Variants in ZNF738 observed in about 807,000 individuals in gnomAD.
ZNF738 encodes the protein protein ZNF738.
ZNF738 carries 10 observed loss-of-function variants against 9.2 expected under a neutral mutation model. That is an observed-to-expected ratio of 1.09 (90% CI 0.67 to 1.85). The LOEUF (loss-of-function observed/expected upper bound fraction) is 1.85. Among genes scored for constraint, ZNF738 ranks in the 40% most tolerant of loss-of-function variants. ZNF738 has a pLI of 0.00. For missense variants in ZNF738, 346 were observed against 283.6 expected, an observed-to-expected ratio of 1.22 and a Z score of -1.58; for synonymous variants, 113 against 94.5, an observed-to-expected ratio of 1.20 and a Z score of -1.14.
At chr19:21,374,620 CCTTT>C (rs1973901423) in intron 2 of ZNF738, among the ~76,000 whole-genome samples, 1 of 152,006 alleles carries the variant, frequency 6.6e-6, no homozygotes, top group South Asian at 2.1e-4. Context: ...CTGGCAGCTG[CCTTT>C]CTTTCTTAGG....
In ZNF738 at chr19:21,384,828, A is replaced by T. The variant is rs1286433777; in HGVS notation, c.*1154A>T. On this transcript the variant is annotated 3_prime_UTR_variant, in exon 5 of 5. Coordinates refer to ENST00000683779, the MANE Select transcript of ZNF738 (RefSeq NM_001355237.2). ...ACATAAGAAAATTCATACTGGAGAGACACCCTACAAATGTGAAGAATGTGG... is the reference window on the plus strand; with the variant it reads ...ACATAAGAAAATTCATACTGGAGAGTCACCCTACAAATGTGAAGAATGTGG... Among the ~76,000 whole-genome samples the T allele has an allele frequency of 6.6e-6, 1 of 152,202 alleles. No individual in the cohort carries two copies. The highest frequency in any genetic ancestry group is 1.9e-4 in the East Asian group (1 of 5,186).
chr19:21,360,523 G>C (rs980865837), intron 1 of ZNF738: 1 of 152,626 alleles, frequency 6.6e-6, no homozygotes, highest in Non-Finnish European at 1.5e-5. Context: ...GCGCGATCTC[G>C]GCTCACCTCA....
chr19:21,367,771 C>A (rs1194788667), intron 2 of ZNF738, among the ~76,000 whole-genome samples: 1 of 152,164 alleles, frequency 6.6e-6, no homozygotes, highest in African/African-American at 2.4e-5. Flanking sequence ...CACCCACTCA[C>A]AAACACACCC....
intron 4 of ZNF738, 94 bp downstream of exon 4, chr19:21,376,058 G>A (rs1973924149): frequency 3.6e-6 from 2 of 558,230 alleles, no homozygotes; most frequent in Non-Finnish European, 6.6e-6. Context: ...TTGGGAAGCT[G>A]TGTTCCAAAG....
chr19:21,376,095 G>A, intron 4 of ZNF738, 131 bp downstream of exon 4: 1 of 489,078 alleles, frequency 2.0e-6, no homozygotes, highest in East Asian at 3.4e-5. Flanking sequence ...AGCCTGAGGT[G>A]TGTGGTTTTT....
chr19:21,381,227 T>C, intron 4 of ZNF738: 4 of 1,550,332 alleles, frequency 2.6e-6, no homozygotes, highest in South Asian at 1.2e-5. Context: ...ATTTCAAATA[T>C]TAAAGCTTTC....
At chr19:21,380,431 T>C (rs1973989801) in intron 4 of ZNF738, among the ~76,000 whole-genome samples, 1 of 152,158 alleles carries the variant, frequency 6.6e-6, no homozygotes, top group South Asian at 2.1e-4. Flanking sequence ...TCCCCTGGCC[T>C]GTGGAGTGGG....
At chr19:21,361,067 G>GCCT (rs1320188136) in intron 1 of ZNF738, among the ~76,000 whole-genome samples, 1 of 151,628 alleles carries the variant, frequency 6.6e-6, no homozygotes, top group African/African-American at 2.4e-5. Flanking sequence ...GCCCGCCTTG[G>GCCT]CCTCCCGAAG....
chr19:21,384,020 T>C lies in ZNF738; in HGVS notation c.*346T>C, dbSNP rs191796251. ...ACAAATGTGAAGAATGTGGCAAAGC[T>C]TTCTACCGATTCATTTACCTTACTA... On this transcript the variant is annotated 3_prime_UTR_variant, in exon 5 of 5. Transcript: ENST00000683779. 5.9e-6 allele frequency: 9 copies of C among 1,518,404 alleles called. No individual in the cohort carries two copies. In the African/African-American group the frequency reaches 1.1e-4, roughly 19 times the overall value. 94.1% of individuals were successfully genotyped at this position (1,518,404 alleles called of 1,614,324 possible). A position where few individuals can be genotyped will look rare whatever the true frequency, so the allele number is the denominator to read the frequency against.
In ZNF738 at chr19:21,383,401, G is replaced by C. The variant is rs1974029866; in HGVS notation, c.855G>C (p.Glu285Asp). The change falls in exon 5 of 5, where the codon GAG (glutamate) becomes GAC (aspartate). Residue 285 changes from glutamate to aspartate, a missense_variant. Physicochemically the swap from Glu to Asp is conservative, Grantham distance 45. Transcript: ENST00000683779. ...GACATAAGGTAATTCATGCTGGAGA[G>C]AAACACTACAAATGTGAAAAATGTG... ...LTRHKVIHAG[E>D]KHYKCEKCGK... 1 of 593,692 alleles carries C rather than the reference G, an allele frequency of 1.7e-6. No homozygotes were observed. Among genetic ancestry groups the C allele is most frequent in the Non-Finnish European group, 2.9e-6 (1 of 349,664 alleles). 36.8% of individuals were successfully genotyped at this position (593,692 alleles called of 1,614,324 possible).
chr19:21,382,517 G>T (rs1393744737), intron 4 of ZNF738, among the ~76,000 whole-genome samples: 1 of 151,866 alleles, frequency 6.6e-6, no homozygotes, highest in Non-Finnish European at 1.5e-5. Flanking sequence ...GATTACAGGT[G>T]TGAGCCACCA....
intron 2 of ZNF738, among the ~76,000 whole-genome samples, chr19:21,374,440 G>T (rs537856358): frequency 6.6e-6 from 1 of 152,122 alleles, no homozygotes; most frequent in Non-Finnish European, 1.5e-5. Context: ...TGTGTTCTTC[G>T]GTGTGCGTCA....
In ZNF738 at chr19:21,385,463, AT is replaced by A. The variant is rs374223602; in HGVS notation, c.*1790del. Among the ~76,000 whole-genome samples the A allele has an allele frequency of 1.0e-3, 150 of 146,342 alleles. No homozygotes were observed. Among genetic ancestry groups the A allele is most frequent in the Middle Eastern group, 7.0e-3 (2 of 286 alleles). On this transcript the variant is annotated 3_prime_UTR_variant, in exon 5 of 5. Transcript: ENST00000683779. ...AGAGAGAGACTCTATCTCCAAAAAA[AT>A]AAATAAATAAATAAAAAAAATAAGA...
rs1434238073 is a variant in ZNF738 at position 21,368,308 on chromosome 19, A to G, written c.96+6450A>G. On this transcript the variant is annotated intron_variant, in intron 2 of 4. Transcript: ENST00000683779. ...TTCTTTATGTCCATGTGTTCTTATT[A>G]TTTAGCTCTTCCTTATAAATGGTGA... 4.4e-3 allele frequency among the ~76,000 whole-genome samples: 661 copies of G among 151,702 alleles called. 10 individuals are homozygous for G. The highest frequency in any genetic ancestry group is 0.015 in the African/African-American group (636 of 41,156).
chr19:21,363,492 G>T (rs1385227160), intron 2 of ZNF738, among the ~76,000 whole-genome samples: 1 of 152,180 alleles, frequency 6.6e-6, no homozygotes, highest in Admixed American at 6.5e-5. Context: ...ATGAGTTAAG[G>T]TTAAGACAAA....
intron 2 of ZNF738, among the ~76,000 whole-genome samples, chr19:21,371,581 T>C (rs1220885300): frequency 3.9e-5 from 6 of 152,166 alleles, no homozygotes; most frequent in African/African-American, 1.4e-4. Context: ...AAAAAATAGA[T>C]GAAGCAGTCA....
At chr19:21,362,955 A>C (rs917073261) in intron 2 of ZNF738, among the ~76,000 whole-genome samples, 1 of 152,194 alleles carries the variant, frequency 6.6e-6, no homozygotes. Flanking sequence ...ATTCATGAAA[A>C]CATCAGTTCC....
chr19:21,379,221 C>A (rs886508484), intron 4 of ZNF738: 1 of 150,952 alleles, frequency 6.6e-6, no homozygotes, highest in Non-Finnish European at 1.5e-5. Flanking sequence ...TTATTTCTTT[C>A]TGAAAAATTT....
rs1974089636 is a variant in ZNF738 at position 21,388,183 on chromosome 19, G to T, written c.*4509G>T. Among the ~76,000 whole-genome samples, 1 of 152,092 alleles carries T rather than the reference G, an allele frequency of 6.6e-6. No homozygotes were observed. Among genetic ancestry groups the T allele is most frequent in the South Asian group, 2.1e-4 (1 of 4,832 alleles). On this transcript the variant is annotated 3_prime_UTR_variant, in exon 5 of 5. Coordinates refer to ENST00000683779, the MANE Select transcript of ZNF738 (RefSeq NM_001355237.2). ...TAAGAGGAGTAAAAGATTTTTTGCA[G>T]AGTAATAACTACATTCTAAGTATAC... is the stretch of plus-strand genomic sequence containing the variant.
Sources: allele counts gnomAD v4.1 joint callset (sites outside exome capture counted in the v4.1 genomes callset), GRCh38; gene constraint gnomAD v4.1.1; transcripts MANE v1.5; gene names NCBI Gene and HGNC (gene_info 2026-07-23, HGNC 2026-07-21).